NCAM1: variants seen among roughly 807,000 people sequenced by gnomAD.
NCAM1 encodes the protein antigen recognized by monoclonal antibody 5.1H11.
NCAM1 carries 14 observed loss-of-function variants against 109.8 expected under a neutral mutation model. The ratio of observed to expected loss-of-function variants is 0.13; its 90% CI spans 0.08 to 0.20. The LOEUF is 0.20. NCAM1 is among the 10% of genes least tolerant of loss of function. The probability of loss-of-function intolerance (pLI) is 1.00; values close to 1 mark genes in which losing one functional copy is unlikely to be tolerated. For synonymous variants in NCAM1, 418 were observed against 442.9 expected, an observed-to-expected ratio of 0.94 and a Z score of 0.70; for missense variants, 774 against 1,109.9, an observed-to-expected ratio of 0.70 and a Z score of 4.30.
chr11:113,173,974 T>TA (rs1206425162), intron 1 of NCAM1, among the ~76,000 whole-genome samples: 51 of 147,780 alleles, frequency 3.5e-4, no homozygotes, highest in Middle Eastern at 7.2e-3. Flanking sequence ...TGCTTGATGT[T>TA]AAAAAAAAAA....
intron 15 of NCAM1, among the ~76,000 whole-genome samples, chr11:113,255,597 GA>G (rs34738476): frequency 0.08 from 7,447 of 92,792 alleles, 199 homozygotes; most frequent in African/African-American, 0.12. Flanking sequence ...TGAGACAGGG[GA>G]AAAAAAAAAA....
chr11:113,191,690 A>C (rs1221546677), intron 1 of NCAM1, among the ~76,000 whole-genome samples: 1 of 152,088 alleles, frequency 6.6e-6, no homozygotes, highest in Non-Finnish European at 1.5e-5. Flanking sequence ...AGTGGCACAG[A>C]AGATAGATAG....
At chr11:112,968,893 C>A (rs924649058) in intron 1 of NCAM1, among the ~76,000 whole-genome samples, 1 of 152,140 alleles carries the variant, frequency 6.6e-6, no homozygotes, top group Non-Finnish European at 1.5e-5. Flanking sequence ...ACTCAACAAA[C>A]CTTTGTGAAG....
chr11:113,196,141 A>G (rs1410730575), intron 1 of NCAM1, among the ~76,000 whole-genome samples: 1 of 152,194 alleles, frequency 6.6e-6, no homozygotes, highest in Non-Finnish European at 1.5e-5. Context: ...TCAGAGCTGG[A>G]ATTTGAACTC....
At chr11:113,246,802 G>A (rs1325421634) in intron 15 of NCAM1, among the ~76,000 whole-genome samples, 1 of 152,244 alleles carries the variant, frequency 6.6e-6, no homozygotes, top group East Asian at 1.9e-4. Context: ...TTACAACCTT[G>A]AAATGCTACA....
intron 16 of NCAM1, among the ~76,000 whole-genome samples, chr11:113,257,492 A>G (rs1945862544): frequency 6.6e-6 from 1 of 152,204 alleles, no homozygotes; most frequent in Admixed American, 6.5e-5. Flanking sequence ...ACCTTTATAA[A>G]TGGTCACTAT....
chr11:113,071,974 G>A (rs1048094518), intron 1 of NCAM1, among the ~76,000 whole-genome samples: 5 of 151,886 alleles, frequency 3.3e-5, no homozygotes, highest in African/African-American at 9.7e-5. Context: ...GCAAAACCCC[G>A]TCTCTACTAA....
Position 113,207,326 on chromosome 11 carries a change from A to T in NCAM1, c.694A>T (p.Thr232Ser). ...CACCGCCAACCTCGGCCAGTCCGTC[A>T]CCCTGGTGTGCGATGCCGAAGGCTT... is the stretch of plus-strand genomic sequence containing the variant. ...NATANLGQSV[T>S]LVCDAEGFPE... Residue 232 changes from threonine (T) to serine (S), a missense_variant, in exon 6 of 20, where the codon ACC becomes TCC. Around this residue, in one of 4 missense-constraint regions of NCAM1, gnomAD observed 523 missense variants for 784.2 expected, o/e 0.67. Transcript: ENST00000316851. 1 of 1,613,288 alleles carries T rather than the reference A, an allele frequency of 6.2e-7. No individual in the cohort carries two copies. The highest frequency in any genetic ancestry group is 8.5e-7 in the Non-Finnish European group (1 of 1,179,260).
At chr11:113,251,322 G>A (rs1394900187) in intron 15 of NCAM1, among the ~76,000 whole-genome samples, 1 of 152,232 alleles carries the variant, frequency 6.6e-6, no homozygotes, top group African/African-American at 2.4e-5. Context: ...TTCTGCTGAT[G>A]AGAGGAAGGG....
chr11:112,961,858 G>C (rs1174316596), intron 1 of NCAM1, among the ~76,000 whole-genome samples, 194 bp downstream of exon 1: 1 of 152,090 alleles, frequency 6.6e-6, no homozygotes, highest in African/African-American at 2.4e-5. Context: ...GCGCTGCACG[G>C]GGCTGCCTCC....
chr11:113,251,848 T>C (rs1383663666), intron 15 of NCAM1, among the ~76,000 whole-genome samples: 1 of 152,256 alleles, frequency 6.6e-6, no homozygotes, highest in Admixed American at 6.5e-5. Flanking sequence ...TCTGCTAATG[T>C]GCTCGATAAA....
chr11:113,049,915 G>C (rs1046179497), intron 1 of NCAM1, among the ~76,000 whole-genome samples: 3 of 152,132 alleles, frequency 2.0e-5, no homozygotes. Flanking sequence ...TGTCTTAAAG[G>C]GACACAAGTC....
intron 17 of NCAM1, among the ~76,000 whole-genome samples, chr11:113,268,692 A>G (rs1399579487): frequency 2.0e-5 from 3 of 152,124 alleles, no homozygotes; most frequent in Non-Finnish European, 2.9e-5. Context: ...CCCTCCCGCA[A>G]ATACAGGCTG....
intron 15 of NCAM1, among the ~76,000 whole-genome samples, chr11:113,255,543 A>G (rs968332021): frequency 1.5e-4 from 23 of 151,116 alleles, no homozygotes; most frequent in Non-Finnish European, 2.9e-5. Context: ...ATAAAAATTA[A>G]ATCTTCAGTT....
chr11:113,231,093 A>C, intron 9 of NCAM1: 1 of 1,151,032 alleles, frequency 8.7e-7, no homozygotes, highest in Non-Finnish European at 1.2e-6. Flanking sequence ...TTGTTTTTAC[A>C]TGTGATTATT....
At chr11:113,013,783 T>A (rs1435493624) in intron 1 of NCAM1, among the ~76,000 whole-genome samples, 1 of 152,226 alleles carries the variant, frequency 6.6e-6, no homozygotes, top group Non-Finnish European at 1.5e-5. Context: ...ATTTCCTTTA[T>A]TTGAAACAAA....
chr11:112,990,089 A>C (rs1012729272), intron 1 of NCAM1, among the ~76,000 whole-genome samples: 2 of 152,158 alleles, frequency 1.3e-5, no homozygotes, highest in African/African-American at 4.8e-5. Flanking sequence ...TTTAGTGGGC[A>C]TGGATCCTGC....
rs35745699 is a variant in NCAM1, at chr11:113,031,686, C to CAA, written c.52+70031_52+70032dup. Among the ~76,000 whole-genome samples the CAA allele has an allele frequency of 1.7e-3, 225 of 130,930 alleles. 1 individual carries two copies. Among genetic ancestry groups the CAA allele is most frequent in the Non-Finnish European group, 3.0e-3 (181 of 60,332 alleles). 85.9% of individuals were successfully genotyped at this position (130,930 alleles called of 152,430 possible). A position where few individuals can be genotyped will look rare whatever the true frequency, so the allele number is the denominator to read the frequency against. On this transcript the variant is annotated intron_variant, in intron 1 of 19. Transcript: ENST00000316851. ...CAGCCTGGGCAAAGTGAGACTGTCT[C>CAA]AAAAAAAAAAGAAAAGAAAAAGAAA...
chr11:113,057,727 G>A (rs543840971), intron 1 of NCAM1, among the ~76,000 whole-genome samples: 1 of 152,266 alleles, frequency 6.6e-6, no homozygotes, highest in South Asian at 2.1e-4. Flanking sequence ...GAGTAACTGG[G>A]CAGATCTTAC....
Sources: gnomAD v4.1 joint callset for allele counts (sites outside exome capture counted in the v4.1 genomes callset) on GRCh38, gnomAD v4.1.1 for gene constraint, gnomAD v4.1.1 regional missense constraint, MANE v1.5 for transcripts, NCBI Gene and HGNC (gene_info 2026-07-23, HGNC 2026-07-21) for gene names.